KDM5A: variants seen among roughly 807,000 people sequenced by gnomAD.
KDM5A encodes lysine-specific demethylase 5A.
In KDM5A, 42 loss-of-function variants were observed where a neutral mutation model predicts 193.5. The observed-to-expected ratio is 0.22, with a 90% CI of 0.17 to 0.28. KDM5A has a LOEUF of 0.28. KDM5A is among the 10% of genes least tolerant of loss of function. The pLI, the probability that KDM5A is intolerant of heterozygous loss-of-function variation, is 1.00. For synonymous variants in KDM5A, 796 were observed against 718.1 expected (o/e 1.11, Z -1.73); for missense variants, 1,692 against 2,055.1 (o/e 0.82, Z 3.42).
At chr12:370,054 T>C (rs1944406151) in intron 3 of KDM5A, among the ~76,000 whole-genome samples, 1 of 152,158 alleles carries the variant, frequency 6.6e-6, no homozygotes, top group African/African-American at 2.4e-5. Context: ...CTAATACCTG[T>C]TTTTCTTTGG....
At position 285,424 on chromosome 12, in the gene KDM5A, TCCC is replaced by T. The variant is rs763930439; in HGVS notation, c.*29_*31del. On this transcript the variant is annotated 3_prime_UTR_variant, in exon 28 of 28. Coordinates refer to ENST00000399788, the MANE Select transcript of KDM5A (RefSeq NM_001042603.3). ...GACTAAGGTCTCAATGTGGTCCATG[TCCC>T]CCCATGTCCCAAACTAACCAAGCAT... 2 of 1,575,168 alleles carry T rather than the reference TCCC, an allele frequency of 1.3e-6. No individual in the cohort carries two copies. Among genetic ancestry groups the T allele is most frequent in the Non-Finnish European group, 1.7e-6 (2 of 1,144,800 alleles).
intron 3 of KDM5A, among the ~76,000 whole-genome samples, chr12:373,286 T>C (rs1235551496): frequency 6.6e-5 from 10 of 152,234 alleles, no homozygotes; most frequent in African/African-American, 1.7e-4. Context: ...TATTGGTCTA[T>C]TCAGGGATTC....
Position 300,052 on chromosome 12 carries a change from C to A in KDM5A, c.4075-2852G>T, listed in dbSNP as rs553658937. ...ATTCATAAAGCAAGTTCTTAGAGACCTACAAAGAGACTCAGACTCCCACAC... is the reference window on the plus strand; with the variant it reads ...ATTCATAAAGCAAGTTCTTAGAGACATACAAAGAGACTCAGACTCCCACAC... On this transcript the variant is annotated intron_variant, in intron 24 of 27. Coordinates refer to ENST00000399788, the MANE Select transcript of KDM5A (RefSeq NM_001042603.3). 3.3e-3 allele frequency among the ~76,000 whole-genome samples: 495 copies of A among 151,924 alleles called. 1 individual carries two copies. The highest frequency in any genetic ancestry group is 4.5e-3 in the Non-Finnish European group (307 of 67,970).
chr12:368,078 A>G (rs1269308226), intron 3 of KDM5A, among the ~76,000 whole-genome samples: 6 of 152,222 alleles, frequency 3.9e-5, no homozygotes, highest in Admixed American at 1.3e-4. Context: ...AATAAAATAC[A>G]ATGGAATATT....
chr12:356,809 C>G, intron 5 of KDM5A, among the ~76,000 whole-genome samples: 1 of 152,208 alleles, frequency 6.6e-6, no homozygotes, highest in East Asian at 1.9e-4. Flanking sequence ...TGCTGGTTAT[C>G]ACACAATAGA....
chr12:319,163 A>C (rs1943685673), intron 18 of KDM5A, among the ~76,000 whole-genome samples: 1 of 152,232 alleles, frequency 6.6e-6, no homozygotes, highest in African/African-American at 2.4e-5. Flanking sequence ...TTGGGGAACC[A>C]CTGGAGAATT....
Position 323,170 on chromosome 12 carries a change from T to C in KDM5A, c.2187A>G (p.Leu729=). The C allele has an allele frequency of 6.7e-7, 1 of 1,485,300 alleles. No individual in the cohort carries two copies. The highest frequency in any genetic ancestry group is 9.0e-7 in the Non-Finnish European group (1 of 1,112,742). 92.0% of individuals were successfully genotyped at this position (1,485,300 alleles called of 1,614,324 possible). Reference sequence around the variant, plus strand: ...ACTGTGCCCTGACTTTTACACCATATAGCAGAGAAGGGAGGTCTTCTAATG... The same window carrying C: ...ACTGTGCCCTGACTTTTACACCATACAGCAGAGAAGGGAGGTCTTCTAATG... ...RYPLEDLPSL[L]YGVKVRAQSY... Residue 729 remains leucine, a synonymous_variant, in exon 16 of 28, where the codon CTA becomes CTG. Coordinates refer to ENST00000399788, the MANE Select transcript of KDM5A (RefSeq NM_001042603.3).
chr12:314,002 A>G (rs1943620772), intron 19 of KDM5A, among the ~76,000 whole-genome samples: 1 of 152,102 alleles, frequency 6.6e-6, no homozygotes, highest in Non-Finnish European at 1.5e-5. Flanking sequence ...GCTGGGTGGA[A>G]AAAGAGTGGG....
chr12:388,330 G>T (rs758182837), intron 1 of KDM5A: 1 of 455,378 alleles, frequency 2.2e-6, no homozygotes, highest in Non-Finnish European at 4.4e-6. Context: ...TACGTCAAGA[G>T]ATTTCAACAT....
In KDM5A at chr12:313,068, C is replaced by T. The variant is rs748349916; in HGVS notation, c.3024G>A (p.Val1008=). ...AAAGTCTTCTTACCTGAATAGCTTC[C>T]ACTTTAGCGGTCCATTCTCGAGCCT... ...LQKAREWTAK[V]EAIQSGSNYA... Residue 1008 remains valine, a synonymous_variant, in exon 20 of 28, where the codon GTG becomes GTA. Coordinates refer to ENST00000399788, the MANE Select transcript of KDM5A (RefSeq NM_001042603.3). 2.5e-6 allele frequency: 4 copies of T among 1,613,982 alleles called. No individual in the cohort carries two copies. The African/African-American group carries it at 4.0e-5, about 16-fold the overall frequency.
intron 19 of KDM5A, among the ~76,000 whole-genome samples, chr12:317,603 G>A (rs1055098285): frequency 6.6e-6 from 1 of 152,198 alleles, no homozygotes; most frequent in African/African-American, 2.4e-5. Flanking sequence ...AGCCCCATTT[G>A]ATAACTTAGC....
intron 5 of KDM5A, among the ~76,000 whole-genome samples, chr12:361,531 A>G (rs1944295157): frequency 2.6e-5 from 4 of 152,114 alleles, no homozygotes; most frequent in Non-Finnish European, 5.9e-5. Flanking sequence ...AAGCATTAGG[A>G]ATAGGCAAGA....
At chr12:335,631 GAAGTTA>G (rs1038249038) in intron 10 of KDM5A, among the ~76,000 whole-genome samples, 19 of 152,308 alleles carry the variant, frequency 1.2e-4, no homozygotes, top group African/African-American at 4.6e-4. Flanking sequence ...CTCAAGGTAA[GAAGTTA>G]AAGAGCCAAT....
Position 295,588 on chromosome 12 carries a change from G to C in KDM5A, c.4440C>G (p.Phe1480Leu), listed in dbSNP as rs1219296658. 6.2e-7 allele frequency: 1 copy of C among 1,613,874 alleles called. No individual in the cohort carries two copies. The highest frequency in any genetic ancestry group is 8.5e-7 in the Non-Finnish European group (1 of 1,179,776). The change falls in exon 26 of 28, where the codon TTC (phenylalanine) becomes TTG (leucine). Residue 1480 changes from phenylalanine to leucine, a missense_variant. Physicochemically the swap from Phe to Leu is conservative, Grantham distance 22 (BLOSUM62 0). This residue lies in a region of KDM5A where 965 missense variants were observed against 1,061.0 expected (regional missense o/e 0.91). Transcript: ENST00000399788. ...QATHPPSEDRFLHIMEDDSME... is the reference protein window; with the variant it reads ...QATHPPSEDRLLHIMEDDSME... ...AAATCCACACCTCCATGATATGCAA[G>C]AATCTGTCTTCAGAGGGTGGGTGTG...
At chr12:381,949 G>A (rs1438591941) in intron 3 of KDM5A, among the ~76,000 whole-genome samples, 1 of 152,162 alleles carries the variant, frequency 6.6e-6, no homozygotes, top group East Asian at 1.9e-4. Flanking sequence ...TGGGACTCCA[G>A]GAGTCCACCA....
chr12:341,594 C>T (rs1321188875), intron 10 of KDM5A, among the ~76,000 whole-genome samples: 1 of 151,980 alleles, frequency 6.6e-6, no homozygotes, highest in African/African-American at 2.4e-5. Flanking sequence ...ATAGCTAACA[C>T]CAAAAGGCCA....
intron 18 of KDM5A, among the ~76,000 whole-genome samples, chr12:319,381 A>C (rs1026343179): frequency 6.6e-6 from 1 of 152,152 alleles, no homozygotes; most frequent in Non-Finnish European, 1.5e-5. Context: ...TATATTTTGG[A>C]GGTAATAGCA....
intron 10 of KDM5A, among the ~76,000 whole-genome samples, chr12:342,786 A>AG (rs1944022665): frequency 6.6e-6 from 1 of 151,944 alleles, no homozygotes; most frequent in Admixed American, 6.6e-5. Context: ...AAAAAAAAAA[A>AG]AAAAAAACCT....
At chr12:353,278 T>C (rs983084737) in intron 8 of KDM5A, among the ~76,000 whole-genome samples, 1 of 152,074 alleles carries the variant, frequency 6.6e-6, no homozygotes, top group African/African-American at 2.4e-5. Flanking sequence ...TGCAGTGAGC[T>C]GAGACCGCGC....
Sources: allele counts gnomAD v4.1 joint callset (sites outside exome capture counted in the v4.1 genomes callset), GRCh38; gene constraint gnomAD v4.1.1; regional missense constraint gnomAD v4.1.1; transcripts MANE v1.5; gene names NCBI Gene and HGNC (gene_info 2026-07-23, HGNC 2026-07-21).